Variants in SRFBP1 observed in about 807,000 individuals in gnomAD.
SRFBP1 encodes the protein serum response factor binding protein 1.
In SRFBP1, 47 loss-of-function variants were observed where a neutral mutation model predicts 45.5. That is an observed-to-expected ratio of 1.03 (90% confidence interval 0.82 to 1.32). The LOEUF is 1.32. SRFBP1 is among the 40% of genes most tolerant of loss of function. SRFBP1 has a pLI of 0.00. For missense variants in SRFBP1, 621 were observed against 484.6 expected (o/e 1.28, Z -2.64); for synonymous variants, 203 against 166.3 (o/e 1.22, Z -1.70).
intron 4 of SRFBP1, among the ~76,000 whole-genome samples, chr5:121,999,493 A>G (rs1361435760): frequency 2.6e-5 from 4 of 152,054 alleles, no homozygotes; most frequent in Admixed American, 2.6e-4. Flanking sequence ...CAGATTATCC[A>G]TATTTTTACT....
intron 4 of SRFBP1, among the ~76,000 whole-genome samples, chr5:122,016,379 C>T (rs1753194239): frequency 6.6e-6 from 1 of 152,062 alleles, no homozygotes; most frequent in Non-Finnish European, 1.5e-5. Flanking sequence ...TTCTTCTTCC[C>T]TAGGTTGGAA....
Position 121,980,054 on chromosome 5 carries a change from A to G in SRFBP1, c.198+4667A>G, listed in dbSNP as rs377168644. ...CATGTTAACACGAAGACTAAACAGC[A>G]TCACCTCCCTTTGCTAGAGTTTCCT... On this transcript the variant is annotated intron_variant, in intron 3 of 7. Transcript: ENST00000339397. 2.4e-4 allele frequency among the ~76,000 whole-genome samples: 37 copies of G among 152,312 alleles called. No individual in the cohort carries two copies. The East Asian group carries it at 6.2e-3, about 25-fold the overall frequency.
downstream of SRFBP1, chr5:122,078,192 T>A: frequency 2.2e-6 from 1 of 451,286 alleles, no homozygotes; most frequent in Non-Finnish European, 3.8e-6. Flanking sequence ...CACCCTTCCC[T>A]TTCCCCTTTC....
chr5:122,022,668 C>CT (rs374727381), intron 7 of SRFBP1, among the ~76,000 whole-genome samples: 3 of 152,126 alleles, frequency 2.0e-5, no homozygotes, highest in Admixed American at 6.6e-5. Flanking sequence ...TAAACCAACA[C>CT]TTTTTTTAAG....
At chr5:122,033,389 A>G (rs1488848737), downstream of SRFBP1, among the ~76,000 whole-genome samples, 1 of 152,002 alleles carries the variant, frequency 6.6e-6, no homozygotes. Context: ...CATTTTTACA[A>G]ATGTATTGAG....
At chr5:122,038,548 G>A (rs1162699310) in intron 2 of SRFBP1, among the ~76,000 whole-genome samples, 4 of 152,214 alleles carry the variant, frequency 2.6e-5, no homozygotes, top group Non-Finnish European at 5.9e-5. Context: ...AAATATCACT[G>A]CTTCCAGTCC....
At position 122,033,886 on chromosome 5, in the gene SRFBP1, C is replaced by T. The variant is rs547950550; in HGVS notation, n.311+11479C>T. On this transcript the variant is annotated intron_variant and non_coding_transcript_variant, in intron 2 of 2. Transcript: ENST00000504881. ...TTGCCCAGGCTGGAGTGCAGTGGCACGATCTCGGCTCACTGCAGCCTCTGC... is the reference window on the plus strand; with the variant it reads ...TTGCCCAGGCTGGAGTGCAGTGGCATGATCTCGGCTCACTGCAGCCTCTGC... Among the ~76,000 whole-genome samples the T allele has an allele frequency of 4.8e-3, 703 of 145,550 alleles. 7 individuals are homozygous for T. The highest frequency in any genetic ancestry group is 0.017 in the African/African-American group (659 of 38,478).
chr5:122,006,236 G>T (rs966703003), intron 4 of SRFBP1, among the ~76,000 whole-genome samples: 4 of 151,984 alleles, frequency 2.6e-5, no homozygotes, highest in African/African-American at 9.7e-5. Context: ...GGCTTATAAG[G>T]TAGGCCTTTA....
At chr5:122,006,644 T>C (rs997418026) in intron 4 of SRFBP1, among the ~76,000 whole-genome samples, 1 of 152,168 alleles carries the variant, frequency 6.6e-6, no homozygotes, top group Non-Finnish European at 1.5e-5. Flanking sequence ...CCTATTTTCA[T>C]GTTCACAGAT....
rs371346245 is a variant in SRFBP1 at position 122,075,235 on chromosome 5, G to A, written n.312-80G>A. The A allele has an allele frequency of 9.8e-4, 546 of 556,648 alleles. 13 individuals are homozygous for A. In the South Asian group the frequency reaches 0.017, roughly 18 times the overall value. 34.5% of individuals were successfully genotyped at this position (556,648 alleles called of 1,614,324 possible). A position where few individuals can be genotyped will look rare whatever the true frequency, so the allele number is the denominator to read the frequency against. On this transcript the variant is annotated intron_variant and non_coding_transcript_variant, in intron 2 of 2. Transcript: ENST00000504881. ...AGATTTTCCATTTCAAAAGATAACA[G>A]GATCTTGTAGTAGATGGGTTATGTG...
intron 4 of SRFBP1, among the ~76,000 whole-genome samples, chr5:121,997,501 T>C (rs1261264615): frequency 6.6e-6 from 1 of 151,856 alleles, no homozygotes; most frequent in Non-Finnish European, 1.5e-5. Flanking sequence ...TTACACCTTA[T>C]ACAAAAATCA....
At chr5:121,980,452 G>C (rs972058902) in intron 3 of SRFBP1, among the ~76,000 whole-genome samples, 1 of 152,102 alleles carries the variant, frequency 6.6e-6, no homozygotes, top group Non-Finnish European at 1.5e-5. Context: ...TTCACCCAGC[G>C]ATTAATGTTC....
chr5:122,034,069 C>G (rs1002310023), intron 2 of SRFBP1, among the ~76,000 whole-genome samples: 1 of 152,174 alleles, frequency 6.6e-6, no homozygotes, highest in Admixed American at 6.5e-5. Flanking sequence ...GGTGATCCAC[C>G]CGCCTCAGCC....
chr5:122,034,789 C>G (rs1278560890), intron 2 of SRFBP1, among the ~76,000 whole-genome samples: 2 of 151,378 alleles, frequency 1.3e-5, no homozygotes, highest in African/African-American at 2.4e-5. Flanking sequence ...AAAAAAGACT[C>G]ATGGAAAGAA....
intron 2 of SRFBP1, among the ~76,000 whole-genome samples, chr5:122,047,343 C>G (rs1227207744): frequency 6.6e-6 from 1 of 152,020 alleles, no homozygotes; most frequent in South Asian, 2.1e-4. Context: ...GTTTGTCAAA[C>G]ATCAGATGGT....
At chr5:122,019,488 C>A in intron 5 of SRFBP1, 147 bp downstream of exon 5, 1 of 621,306 alleles carries the variant, frequency 1.6e-6, no homozygotes, top group Non-Finnish European at 2.5e-6. Flanking sequence ...TCTGAAAATA[C>A]AGAAAGTGTG....
At chr5:122,077,839 C>A, downstream of SRFBP1, 1 of 1,552,720 alleles carries the variant, frequency 6.4e-7, no homozygotes, top group East Asian at 2.4e-5. This position sits in a 1 kb window ranked among gnomAD's most constrained non-coding sequence, Gnocchi z 4.9. Flanking sequence ...GCCCGTTGTT[C>A]TCCCATTGGA....
intron 4 of SRFBP1, among the ~76,000 whole-genome samples, chr5:122,005,848 C>A (rs758064680): frequency 6.6e-6 from 1 of 151,988 alleles, no homozygotes; most frequent in African/African-American, 2.4e-5. Flanking sequence ...TTATAATTTA[C>A]GTGTATATTC....
chr5:122,057,000 T>C (rs1754090533), intron 2 of SRFBP1, among the ~76,000 whole-genome samples: 1 of 152,136 alleles, frequency 6.6e-6, no homozygotes, highest in African/African-American at 2.4e-5. Flanking sequence ...GAAATTTAGT[T>C]ACAGGAAATT....
Sources: allele counts gnomAD v4.1 joint callset (sites outside exome capture counted in the v4.1 genomes callset), GRCh38; gene constraint gnomAD v4.1.1; non-coding constraint Gnocchi (gnomAD v3.1); transcripts MANE v1.5; gene names NCBI Gene and HGNC (gene_info 2026-07-23, HGNC 2026-07-21).